C2orf76: variants seen among roughly 807,000 people sequenced by gnomAD.
C2orf76 encodes the protein UPF0538 protein C2orf76.
Under a neutral mutation model 16.9 loss-of-function variants are expected in C2orf76, and 23 were observed. The ratio of observed to expected loss-of-function variants is 1.36; its 90% CI spans 0.98 to 1.93. The LOEUF is 1.93. Among genes scored for constraint, C2orf76 ranks in the 30% most tolerant of loss-of-function variants. C2orf76 has a pLI of 0.00. For missense variants in C2orf76, 152 were observed against 152.6 expected (o/e 1.00, Z 0.02); for synonymous variants, 48 against 52.3 (o/e 0.92, Z 0.35).
chr2:119,318,541 T>A (rs1291562661), intron 3 of C2orf76, among the ~76,000 whole-genome samples: 1 of 151,972 alleles, frequency 6.6e-6, no homozygotes, highest in African/African-American at 2.4e-5. Flanking sequence ...AATTTTTTTT[T>A]TTTTTTGAGA....
intron 1 of C2orf76, among the ~76,000 whole-genome samples, chr2:119,361,895 C>G (rs1457764086): frequency 2.0e-5 from 3 of 152,112 alleles, no homozygotes; most frequent in Non-Finnish European, 4.4e-5. Flanking sequence ...AGCATGTCAG[C>G]AGATCTTTTT....
chr2:119,328,916 T>A (rs1558785584), intron 2 of C2orf76, among the ~76,000 whole-genome samples: 1 of 152,224 alleles, frequency 6.6e-6, no homozygotes, highest in Non-Finnish European at 1.5e-5. Flanking sequence ...TGTTATTGAT[T>A]TCTAATCTAA....
intron 1 of C2orf76, among the ~76,000 whole-genome samples, chr2:119,350,069 G>GC (rs1213961999): frequency 0.017 from 483 of 28,448 alleles, 11 homozygotes; most frequent in Middle Eastern, 0.062. Flanking sequence ...CGCCCACACC[G>GC]CCCCCCGCCC....
intron 2 of C2orf76, among the ~76,000 whole-genome samples, chr2:119,323,277 C>T (rs375375581): frequency 7.2e-5 from 11 of 151,794 alleles, no homozygotes; most frequent in Admixed American, 2.6e-4. Context: ...CACCTCGCCC[C>T]GAAAGTGCTG....
At chr2:119,321,234 A>C in intron 2 of C2orf76, 30 bp from the exon 3 acceptor site, 1 of 1,177,554 alleles carries the variant, frequency 8.5e-7, no homozygotes, top group Non-Finnish European at 1.2e-6. Context: ...TTTTTACACA[A>C]TAAGCAAATA....
the C2orf76 span, among the ~76,000 whole-genome samples, chr2:119,285,495 T>A: frequency 1.3e-5 from 2 of 152,230 alleles, no homozygotes; most frequent in Non-Finnish European, 2.9e-5. Context: ...TGTTCATGTG[T>A]TGCGTCCTCA....
At chr2:119,288,543 G>A in the C2orf76 span, among the ~76,000 whole-genome samples, 1 of 152,010 alleles carries the variant, frequency 6.6e-6, no homozygotes, top group East Asian at 1.9e-4. Flanking sequence ...ATGGGAGTAA[G>A]GGGATAATAC....
intron 1 of C2orf76, among the ~76,000 whole-genome samples, chr2:119,365,506 C>T (rs1221635683): frequency 6.6e-6 from 1 of 152,202 alleles, no homozygotes; most frequent in African/African-American, 2.4e-5. Context: ...TTCCATAAAA[C>T]GTGACCTACA....
intron 1 of C2orf76, among the ~76,000 whole-genome samples, chr2:119,362,641 TA>T (rs779554777): frequency 1.3e-5 from 2 of 152,236 alleles, no homozygotes; most frequent in Non-Finnish European, 2.9e-5. Context: ...TGAATGCTTC[TA>T]AACAGAGCGC....
intron 1 of C2orf76, 74 bp from the exon 2 acceptor site, chr2:119,340,045 C>CT: frequency 6.7e-7 from 1 of 1,502,774 alleles, no homozygotes; most frequent in Non-Finnish European, 9.1e-7. Flanking sequence ...GCCTGCATCT[C>CT]TATCAGCTCT....
At chr2:119,285,984 T>C in the C2orf76 span, among the ~76,000 whole-genome samples, 6 of 151,774 alleles carry the variant, frequency 4.0e-5, no homozygotes, top group East Asian at 3.9e-4. Context: ...TCCCAGCACT[T>C]TGGGAGGCCA....
intron 4 of C2orf76, among the ~76,000 whole-genome samples, chr2:119,316,725 T>C (rs1387634481): frequency 2.0e-5 from 3 of 152,176 alleles, no homozygotes; most frequent in African/African-American, 7.2e-5. Flanking sequence ...TATTGGGATA[T>C]GACAAATAAT....
At chr2:119,320,497 A>C (rs1679308460) in intron 3 of C2orf76, among the ~76,000 whole-genome samples, 1 of 152,186 alleles carries the variant, frequency 6.6e-6, no homozygotes, top group East Asian at 1.9e-4. Flanking sequence ...TCTGGATATT[A>C]AAATGCATAC....
chr2:119,299,390 A>T (rs6727440), downstream of C2orf76, among the ~76,000 whole-genome samples: 108,473 of 152,228 alleles, frequency 0.71, 39,643 homozygotes, highest in African/African-American at 0.89. Flanking sequence ...TAAACATAAT[A>T]TTTTTTCTCC....
the C2orf76 span, among the ~76,000 whole-genome samples, chr2:119,296,052 A>C: frequency 1.3e-5 from 2 of 152,250 alleles, no homozygotes; most frequent in African/African-American, 4.8e-5. Context: ...AAGTGGTCTC[A>C]GGTCTGATTC....
At chr2:119,332,016 A>T (rs1044872982) in intron 2 of C2orf76, among the ~76,000 whole-genome samples, 1 of 144,916 alleles carries the variant, frequency 6.9e-6, no homozygotes, top group African/African-American at 2.7e-5. Flanking sequence ...AAGTCTCCAT[A>T]AAAAAAAAAT....
At chr2:119,357,677 G>T (rs1220733290) in intron 1 of C2orf76, among the ~76,000 whole-genome samples, 1 of 151,270 alleles carries the variant, frequency 6.6e-6, no homozygotes, top group African/African-American at 2.4e-5. Context: ...CAGGAACAAG[G>T]AAAAATAGCC....
the C2orf76 span, among the ~76,000 whole-genome samples, chr2:119,281,532 A>T: frequency 6.6e-6 from 1 of 152,060 alleles, no homozygotes; most frequent in Non-Finnish European, 1.5e-5. Flanking sequence ...AGAGAGAGAG[A>T]GAGAGAATGA....
At chr2:119,359,212 C>G (rs1007518528) in intron 1 of C2orf76, among the ~76,000 whole-genome samples, 7 of 152,066 alleles carry the variant, frequency 4.6e-5, no homozygotes, top group Admixed American at 2.6e-4. Flanking sequence ...TATTTTAAGC[C>G]CACTGTTGAG....
Sources: allele counts gnomAD v4.1 joint callset (sites outside exome capture counted in the v4.1 genomes callset), GRCh38; gene constraint gnomAD v4.1.1; transcripts MANE v1.5; gene names NCBI Gene and HGNC (gene_info 2026-07-23, HGNC 2026-07-21).